ABHD12: variants seen among roughly 807,000 people sequenced by gnomAD.
ABHD12 encodes abhydrolase domain containing 12, lysophospholipase, also known as lysophosphatidylserine lipase ABHD12.
A neutral mutation model predicts 58.3 loss-of-function variants in ABHD12; 43 were observed. The observed-to-expected ratio is 0.74, with a 90% confidence interval of 0.58 to 0.95. The LOEUF is 0.95. ABHD12 is among the 40% of genes least tolerant of loss of function. The pLI is 0.00. For missense variants in ABHD12, 539 were observed against 537.2 expected, an observed-to-expected ratio of 1.00 and a Z score of -0.03; for synonymous variants, 219 against 211.2, an observed-to-expected ratio of 1.04 and a Z score of -0.32.
intron 1 of ABHD12, among the ~76,000 whole-genome samples, chr20:25,387,923 C>A (rs1014545024): frequency 2.0e-5 from 3 of 151,664 alleles, no homozygotes; most frequent in Non-Finnish European, 4.4e-5. Flanking sequence ...CGCCTGTAAT[C>A]CCAGCTACTC....
rs958506528 is a variant in ABHD12 at position 25,390,831 on chromosome 20, G to T, written c.-128C>A. 38 of 574,780 alleles carry T rather than the reference G, an allele frequency of 6.6e-5. 1 individual carries two copies. The South Asian group carries it at 2.9e-3, about 43-fold the overall frequency. The allele number at this position is 574,780 out of a possible 1,614,324, so 35.6% of individuals were successfully genotyped here. A position where few individuals can be genotyped will look rare whatever the true frequency, so the allele number is the denominator to read the frequency against. ...CGCTCCTCACATCCCAGCCCAGGCC[G>T]CTGCGCCGGCTACGAACCAGCGGCG... On this transcript the variant is annotated 5_prime_UTR_variant, in exon 1 of 13. Coordinates refer to ENST00000339157, the MANE Select transcript of ABHD12 (RefSeq NM_001042472.3).
At chr20:25,364,319 A>C (rs1176442660) in intron 1 of ABHD12, among the ~76,000 whole-genome samples, 1 of 152,180 alleles carries the variant, frequency 6.6e-6, no homozygotes, top group Non-Finnish European at 1.5e-5. Context: ...TTATAAAGAA[A>C]AGAGGTTTAT....
At chr20:25,384,402 T>TACAC (rs57226615) in intron 1 of ABHD12, among the ~76,000 whole-genome samples, 4 of 149,048 alleles carry the variant, frequency 2.7e-5, no homozygotes, top group Admixed American at 6.7e-5. Context: ...TTGGCAATAC[T>TACAC]ACACACACAC....
chr20:25,297,676 A>ACTGT (rs1432798657), downstream of ABHD12: 1 of 152,292 alleles, frequency 6.6e-6, no homozygotes, highest in Non-Finnish European at 1.5e-5. Context: ...GGAACAGGCT[A>ACTGT]CTGTCCTTCC....
chr20:25,316,840 T>TAGTTTGAGCCC (rs1354582253), intron 5 of ABHD12, among the ~76,000 whole-genome samples: 1 of 152,162 alleles, frequency 6.6e-6, no homozygotes, highest in East Asian at 1.9e-4. Context: ...AGCAGGAGGA[T>TAGTTTGAGCCC]AGTTTGAGCC....
chr20:25,378,519 G>GA (rs1353342835), intron 1 of ABHD12, among the ~76,000 whole-genome samples: 2 of 151,868 alleles, frequency 1.3e-5, no homozygotes, highest in Non-Finnish European at 2.9e-5. Context: ...ATTATGAGGA[G>GA]AAAAAAATAG....
intron 1 of ABHD12, among the ~76,000 whole-genome samples, chr20:25,380,251 A>T (rs552770675): frequency 1.3e-5 from 2 of 152,072 alleles, no homozygotes; most frequent in African/African-American, 4.8e-5. Flanking sequence ...TACAATTACC[A>T]TTGAGTGGTT....
chr20:25,367,099 G>A (rs2089832535), intron 1 of ABHD12, among the ~76,000 whole-genome samples: 1 of 152,164 alleles, frequency 6.6e-6, no homozygotes, highest in South Asian at 2.1e-4. Context: ...ATAATCTGAG[G>A]AATGTTTTTT....
intron 2 of ABHD12, 107 bp from the exon 3 acceptor site, chr20:25,323,537 G>GCA (rs375999758): frequency 4.9e-5 from 37 of 751,998 alleles, no homozygotes; most frequent in African/African-American, 1.0e-4. Context: ...ATCCACACGT[G>GCA]CACACACACA....
At chr20:25,357,924 T>C (rs1472340114) in intron 1 of ABHD12, among the ~76,000 whole-genome samples, 1 of 152,058 alleles carries the variant, frequency 6.6e-6, no homozygotes, top group Non-Finnish European at 1.5e-5. Flanking sequence ...GGTGGGAGGA[T>C]TGTTTGAGCC....
intron 2 of ABHD12, chr20:25,338,924 T>C: frequency 8.3e-7 from 1 of 1,203,004 alleles, no homozygotes; most frequent in Non-Finnish European, 1.0e-6. Context: ...CAGGGCAGTG[T>C]AGTCTTCTGT....
At chr20:25,377,439 G>A (rs1430282644) in intron 1 of ABHD12, among the ~76,000 whole-genome samples, 1 of 152,182 alleles carries the variant, frequency 6.6e-6, no homozygotes, top group East Asian at 1.9e-4. Context: ...TCTGGAGGCT[G>A]GGAAGTCCAA....
downstream of ABHD12, chr20:25,296,517 G>T (rs774335478): frequency 8.1e-6 from 13 of 1,612,794 alleles, no homozygotes; most frequent in African/African-American, 1.2e-4. Context: ...CATCCCCCGG[G>T]ACTAGGCACA....
intron 1 of ABHD12, chr20:25,368,422 A>G: frequency 6.3e-7 from 1 of 1,598,852 alleles, no homozygotes; most frequent in Non-Finnish European, 8.5e-7. Flanking sequence ...CAGTCTTGGC[A>G]GTGCAGATGA....
intron 6 of ABHD12, among the ~76,000 whole-genome samples, chr20:25,314,678 TAAAAA>T (rs767083258): frequency 1.5e-5 from 2 of 134,370 alleles, no homozygotes; most frequent in African/African-American, 5.5e-5. Context: ...GATCCTATCT[TAAAAA>T]AAAAAAAAAA....
At chr20:25,375,847 G>C (rs1016081896) in intron 1 of ABHD12, among the ~76,000 whole-genome samples, 4 of 152,184 alleles carry the variant, frequency 2.6e-5, no homozygotes, top group African/African-American at 9.7e-5. Context: ...AATTAGCTGG[G>C]TGCAGTGGCT....
At chr20:25,379,758 T>C (rs2090000780) in intron 1 of ABHD12, among the ~76,000 whole-genome samples, 1 of 152,148 alleles carries the variant, frequency 6.6e-6, no homozygotes, top group Non-Finnish European at 1.5e-5. Flanking sequence ...AGACAGGGTG[T>C]CACTCTGTTG....
chr20:25,315,702 A>AG (rs1179465187), intron 5 of ABHD12, among the ~76,000 whole-genome samples: 11 of 152,178 alleles, frequency 7.2e-5, no homozygotes, highest in African/African-American at 2.7e-4. Context: ...CAGCAGGATG[A>AG]ATCATTTCTT....
chr20:25,305,729 A>C (rs2088724923), intron 10 of ABHD12, among the ~76,000 whole-genome samples: 1 of 152,142 alleles, frequency 6.6e-6, no homozygotes, highest in Non-Finnish European at 1.5e-5. Context: ...ATATCAATAC[A>C]ATCTGAAAAA....
Sources: gnomAD v4.1 joint callset for allele counts (sites outside exome capture counted in the v4.1 genomes callset) on GRCh38, gnomAD v4.1.1 for gene constraint, MANE v1.5 for transcripts, NCBI Gene and HGNC (gene_info 2026-07-23, HGNC 2026-07-21) for gene names.